RPF2: variants seen among roughly 807,000 people sequenced by gnomAD.
RPF2 encodes brix domain containing 1.
In RPF2, 21 loss-of-function variants were observed where a neutral mutation model predicts 38.9. That is an observed-to-expected ratio of 0.54 (90% CI 0.38 to 0.78). The LOEUF (loss-of-function observed/expected upper bound fraction) is 0.78, where lower values mean the gene tolerates loss of function less well. Among genes scored for constraint, RPF2 ranks in the 30% least tolerant of loss-of-function variants. RPF2 has a pLI of 0.00. For synonymous variants in RPF2, 121 were observed against 126.2 expected (o/e 0.96, Z 0.28); for missense variants, 314 against 358.1 (o/e 0.88, Z 0.99).
At chr6:111,017,422 G>A (rs1194676843) in intron 8 of RPF2, among the ~76,000 whole-genome samples, 32 of 151,396 alleles carry the variant, frequency 2.1e-4, no homozygotes, top group African/African-American at 4.1e-4. Context: ...CAGACGGGGC[G>A]GCTGCCGGAT....
chr6:111,011,405 G>A (rs1772012726), intron 7 of RPF2, among the ~76,000 whole-genome samples: 4 of 149,592 alleles, frequency 2.7e-5, no homozygotes, highest in African/African-American at 4.9e-5. Flanking sequence ...CTCTTCCTTA[G>A]CCTCCTTAGT....
chr6:111,016,988 A>C (rs1772126942), intron 8 of RPF2, among the ~76,000 whole-genome samples: 2 of 152,144 alleles, frequency 1.3e-5, no homozygotes, highest in Non-Finnish European at 2.9e-5. Flanking sequence ...TTCAGAGAGC[A>C]CCGGCTTGGG....
chr6:111,002,489 C>A (rs1771826248), intron 6 of RPF2, among the ~76,000 whole-genome samples: 1 of 151,932 alleles, frequency 6.6e-6, no homozygotes, highest in South Asian at 2.1e-4. Context: ...AGGTGTGTGC[C>A]ACCATGCCCA....
At chr6:111,020,691 T>C (rs1354622884) in intron 8 of RPF2, among the ~76,000 whole-genome samples, 1 of 151,768 alleles carries the variant, frequency 6.6e-6, no homozygotes, top group Non-Finnish European at 1.5e-5. Flanking sequence ...TGAAACCCCG[T>C]CTCTACTAAA....
intron 6 of RPF2, among the ~76,000 whole-genome samples, chr6:111,002,495 G>A (rs1324619864): frequency 6.6e-6 from 1 of 151,836 alleles, no homozygotes; most frequent in African/African-American, 2.4e-5. Context: ...GTGCCACCAT[G>A]CCCAGCCACA....
intron 8 of RPF2, among the ~76,000 whole-genome samples, chr6:111,022,407 T>C (rs909336267): frequency 6.6e-6 from 1 of 152,218 alleles, no homozygotes; most frequent in Non-Finnish European, 1.5e-5. Flanking sequence ...TGGGTTCTGT[T>C]TGCAGATAAC....
chr6:111,009,297 A>T (rs6568662), intron 7 of RPF2, among the ~76,000 whole-genome samples: 1 of 152,022 alleles, frequency 6.6e-6, no homozygotes, highest in African/African-American at 2.4e-5. Context: ...CTCGTGATCC[A>T]CCCGCCTCGC....
rs1771987425 is a variant in RPF2 at position 111,010,135 on chromosome 6, T to C, written c.493+1998T>C. Among the ~76,000 whole-genome samples the C allele has an allele frequency of 2.0e-5, 3 of 151,222 alleles. No individual in the cohort carries two copies. The South Asian group carries it at 6.3e-4, about 32-fold the overall frequency. Reference sequence around the variant, plus strand: ...CTCAATTTTTTTTTTTTTCTTTTTTTTTTTTCTTTTTAGACAGCATCTTGC... The same window carrying C: ...CTCAATTTTTTTTTTTTTCTTTTTTCTTTTTCTTTTTAGACAGCATCTTGC... On this transcript the variant is annotated intron_variant, in intron 7 of 9. Coordinates refer to ENST00000441448, the MANE Select transcript of RPF2 (RefSeq NM_032194.3).
chr6:111,019,787 A>C (rs1246954545), intron 8 of RPF2, among the ~76,000 whole-genome samples: 2 of 152,234 alleles, frequency 1.3e-5, no homozygotes, highest in Non-Finnish European at 2.9e-5. Flanking sequence ...TATGTATATA[A>C]ACTGTATATG....
At chr6:111,020,690 G>A (rs551260378) in intron 8 of RPF2, among the ~76,000 whole-genome samples, 18 of 151,758 alleles carry the variant, frequency 1.2e-4, no homozygotes, top group African/African-American at 1.7e-4. Flanking sequence ...GTGAAACCCC[G>A]TCTCTACTAA....
intron 8 of RPF2, among the ~76,000 whole-genome samples, chr6:111,022,053 AT>A (rs1309279260): frequency 1.3e-5 from 2 of 152,210 alleles, no homozygotes; most frequent in Admixed American, 6.5e-5. Context: ...CCGTTGGGAA[AT>A]TTTATTCACT....
chr6:110,985,714 A>G (rs1386691659), intron 2 of RPF2, among the ~76,000 whole-genome samples: 1 of 152,042 alleles, frequency 6.6e-6, no homozygotes, highest in East Asian at 1.9e-4. Flanking sequence ...CCGAGGCAGG[A>G]GGATCACGAA....
At chr6:111,018,676 G>A (rs181891178) in intron 8 of RPF2, among the ~76,000 whole-genome samples, 11 of 152,066 alleles carry the variant, frequency 7.2e-5, no homozygotes, top group African/African-American at 1.4e-4. Context: ...TAATACCACC[G>A]CTTCTGTTTT....
intron 8 of RPF2, among the ~76,000 whole-genome samples, chr6:111,021,115 G>A (rs961128268): frequency 1.3e-5 from 2 of 152,158 alleles, no homozygotes; most frequent in African/African-American, 4.8e-5. Context: ...ATTGCAGCGA[G>A]CCTAGATTGT....
At chr6:110,985,989 C>G (rs1771518991) in intron 2 of RPF2, among the ~76,000 whole-genome samples, 1 of 151,816 alleles carries the variant, frequency 6.6e-6, no homozygotes, top group African/African-American at 2.4e-5. Context: ...GTAGGTTCCC[C>G]CAGAGATAAC....
In RPF2 at chr6:111,015,783, A is replaced by G. The variant is rs1772097500; in HGVS notation, c.523A>G (p.Ile175Val). 6.2e-7 allele frequency: 1 copy of G among 1,612,512 alleles called. No homozygotes were observed. Among genetic ancestry groups the G allele is most frequent in the Admixed American group, 1.7e-5 (1 of 59,994 alleles). Residue 175 changes from isoleucine (I) to valine (V), a missense_variant, in exon 8 of 10, where the codon ATC becomes GTC. Physicochemically the swap from Ile to Val is conservative, Grantham distance 29. Coordinates refer to ENST00000441448, the MANE Select transcript of RPF2 (RefSeq NM_032194.3). ...CTTCAGAGGCCCCACAGTATCAAAT[A>G]TCCGCCTGGCTGGATTAGAGTATGT... Reference protein sequence around the residue: ...DFFRGPTVSNIRLAGLEYVLH... With the variant: ...DFFRGPTVSNVRLAGLEYVLH...
chr6:111,001,984 G>A lies in RPF2; in HGVS notation c.393+2197G>A, dbSNP rs141159042. 7.0e-3 allele frequency among the ~76,000 whole-genome samples: 1,068 copies of A among 152,266 alleles called. 8 individuals are homozygous for A. Among genetic ancestry groups the A allele is most frequent in the Non-Finnish European group, 0.012 (787 of 68,016 alleles). ...CGTAGTGAGACATTGTCTCATATAT[G>A]TATAAAGTAAACCGGCTAGGCGTGC... is the stretch of plus-strand genomic sequence containing the variant. On this transcript the variant is annotated intron_variant, in intron 6 of 9. Coordinates refer to ENST00000441448, the MANE Select transcript of RPF2 (RefSeq NM_032194.3).
chr6:110,982,331 G>C, intron 1 of RPF2: 1 of 619,136 alleles, frequency 1.6e-6, no homozygotes, highest in Non-Finnish European at 2.9e-6. Context: ...GGAGCCGTGG[G>C]ATGGGAGGGA....
chr6:110,993,743 A>G (rs1771660207), intron 4 of RPF2, among the ~76,000 whole-genome samples: 1 of 152,162 alleles, frequency 6.6e-6, no homozygotes, highest in Non-Finnish European at 1.5e-5. Flanking sequence ...GTTATAGTAT[A>G]TATTTATTAG....
Sources: allele counts gnomAD v4.1 joint callset (sites outside exome capture counted in the v4.1 genomes callset), GRCh38; gene constraint gnomAD v4.1.1; transcripts MANE v1.5; gene names NCBI Gene and HGNC (gene_info 2026-07-23, HGNC 2026-07-21).